Variants in LYSET observed in about 807,000 individuals in gnomAD.
LYSET encodes the protein GNPTAB cleavage and activity factor.
chr14:93,185,011 C>G, the LYSET span: 1 of 158,352 alleles, frequency 6.3e-6, no homozygotes, highest in Non-Finnish European at 1.5e-5. Flanking sequence ...GGCGGGCGGG[C>G]TGGCCACCAC....
At chr14:93,186,695 C>T in the LYSET span, 14 of 1,562,680 alleles carry the variant, frequency 9.0e-6, no homozygotes, top group South Asian at 3.6e-5. Context: ...TTTTTCCCTA[C>T]GATTACAAAA....
chr14:93,186,636 A>G, the LYSET span: 15 of 1,613,164 alleles, frequency 9.3e-6, no homozygotes, highest in African/African-American at 2.7e-5. Flanking sequence ...CAAGGCTTCT[A>G]ATCAGATCAG....
chr14:93,186,629 G>T, the LYSET span: 3,219 of 1,613,812 alleles, frequency 2.0e-3, 9 homozygotes, highest in Non-Finnish European at 2.2e-3. Flanking sequence ...CATTTGTCAA[G>T]GCTTCTAATC....
chr14:93,187,527 A>G, the LYSET span, among the ~76,000 whole-genome samples: 2 of 152,212 alleles, frequency 1.3e-5, no homozygotes, highest in African/African-American at 4.8e-5. Context: ...ACTATCTGGG[A>G]AGAAACTAAG....
the LYSET span, chr14:93,185,235 T>G: frequency 2.3e-6 from 1 of 431,144 alleles, no homozygotes; most frequent in Non-Finnish European, 4.0e-6. Flanking sequence ...CCCTGCCGGG[T>G]CAGGTTCTCA....
chr14:93,186,564 G>A, the LYSET span: 1 of 1,614,210 alleles, frequency 6.2e-7, no homozygotes, highest in East Asian at 2.2e-5. Flanking sequence ...TCCCAAAACA[G>A]TGGGCTACTG....
At chr14:93,185,863 G>T in the LYSET span, among the ~76,000 whole-genome samples, 30 of 125,102 alleles carry the variant, frequency 2.4e-4, no homozygotes, top group Middle Eastern at 8.1e-3. Flanking sequence ...GGATATTTTA[G>T]AATTCTTTTT....
chr14:93,185,959 C>T, the LYSET span, among the ~76,000 whole-genome samples: 1 of 151,372 alleles, frequency 6.6e-6, no homozygotes, highest in East Asian at 1.9e-4. Flanking sequence ...AGCTCTGCCT[C>T]CTGGGTTCAC....
At chr14:93,185,535 C>A in the LYSET span, 1 of 1,491,822 alleles carries the variant, frequency 6.7e-7, no homozygotes, top group Non-Finnish European at 9.3e-7. Flanking sequence ...ACTTGTAGCA[C>A]CCCGCGTTCA....
At chr14:93,185,473 T>C in the LYSET span, 1 of 1,612,034 alleles carries the variant, frequency 6.2e-7, no homozygotes, top group Non-Finnish European at 8.5e-7. Flanking sequence ...ACAGGAAGAT[T>C]TTCGGGACCA....
At chr14:93,187,865 T>G in the LYSET span, among the ~76,000 whole-genome samples, 3 of 151,484 alleles carry the variant, frequency 2.0e-5, no homozygotes, top group African/African-American at 7.3e-5. Context: ...GCCAGGCTGG[T>G]CTCAAACTCC....
the LYSET span, chr14:93,185,364 C>T: frequency 1.9e-6 from 3 of 1,598,844 alleles, no homozygotes; most frequent in Middle Eastern, 1.9e-4. Context: ...TTCTCCTAGC[C>T]GGGTGACCCA....
At chr14:93,187,006 G>GA in the LYSET span, 136 of 249,446 alleles carry the variant, frequency 5.5e-4, no homozygotes, top group Middle Eastern at 4.2e-3. Context: ...TTCCTTTGGG[G>GA]AAAAAAATGA....
chr14:93,185,727 A>G, the LYSET span, among the ~76,000 whole-genome samples: 67 of 152,306 alleles, frequency 4.4e-4, no homozygotes, highest in Middle Eastern at 3.4e-3. Context: ...ACTGAAATCA[A>G]TGGTTTTTTG....
the LYSET span, chr14:93,185,290 C>T: frequency 4.0e-6 from 4 of 993,286 alleles, no homozygotes; most frequent in Non-Finnish European, 5.9e-6. Flanking sequence ...CCGCGCGTGA[C>T]CCGCCGCAGT....
At chr14:93,187,095 C>G in the LYSET span, 6 of 172,368 alleles carry the variant, frequency 3.5e-5, no homozygotes, top group Non-Finnish European at 8.3e-5. Flanking sequence ...AATTACTTGG[C>G]TTGCTTTAAA....
At chr14:93,185,603 T>C in the LYSET span, 1 of 819,992 alleles carries the variant, frequency 1.2e-6, no homozygotes, top group Non-Finnish European at 2.0e-6. Context: ...TGAAATGTGC[T>C]GTGAGAAACT....
the LYSET span, chr14:93,185,414 G>A: frequency 8.7e-6 from 14 of 1,612,708 alleles, no homozygotes; most frequent in East Asian, 4.5e-5. Context: ...AAATGCCAAA[G>A]CCACCCGATT....
the LYSET span, chr14:93,186,150 C>G: frequency 9.0e-7 from 1 of 1,110,024 alleles, no homozygotes; most frequent in African/African-American, 1.6e-5. Context: ...ATTACAGGCG[C>G]GAGCCACCGC....
Sources: allele counts gnomAD v4.1 joint callset (sites outside exome capture counted in the v4.1 genomes callset), GRCh38; gene constraint gnomAD v4.1.1; transcripts MANE v1.5; gene names NCBI Gene and HGNC (gene_info 2026-07-23, HGNC 2026-07-21).